The following TCIRG1 variants were observed in gnomAD, a reference collection of about 807,000 sequenced individuals.
TCIRG1 encodes T cell immune regulator 1, ATPase H+ transporting V0 subunit a3.
In TCIRG1, 86 loss-of-function variants were observed where a neutral mutation model predicts 95.5. That is an observed-to-expected ratio of 0.90 (90% CI 0.76 to 1.08). The LOEUF (loss-of-function observed/expected upper bound fraction) is 1.08. TCIRG1 is among the 50% of genes least tolerant of loss of function. The pLI is 0.00. For synonymous variants in TCIRG1, 499 were observed against 501.3 expected, an observed-to-expected ratio of 1.00 and a Z score of 0.06; for missense variants, 1,069 against 1,140.2, an observed-to-expected ratio of 0.94 and a Z score of 0.90.
chr11:68,048,701 T>A (rs1164090945), intron 13 of TCIRG1, 178 bp from the exon 14 acceptor site: 3 of 700,076 alleles, frequency 4.3e-6, no homozygotes, highest in Middle Eastern at 3.6e-4. Context: ...TCACCCAGGC[T>A]GGCACCGTGG....
At chr11:68,046,862 C>T (rs1855511397) in intron 10 of TCIRG1, 2 of 456,176 alleles carry the variant, frequency 4.4e-6, no homozygotes, top group Admixed American at 4.7e-5. Context: ...TGCTAACTTC[C>T]TGTGGCTCCA....
intron 1 of TCIRG1, 62 bp from the exon 2 acceptor site, chr11:68,041,206 C>T: frequency 9.2e-7 from 1 of 1,084,910 alleles, no homozygotes; most frequent in Non-Finnish European, 1.4e-6. Context: ...TGCACAGGTG[C>T]CCGTGGTTGG....
rs778516218 is a variant in TCIRG1, at chr11:68,047,544, G to A, written c.1277G>A (p.Arg426Gln). The A allele has an allele frequency of 1.6e-5, 26 of 1,613,772 alleles. No individual in the cohort carries two copies. The highest frequency in any genetic ancestry group is 5.0e-5 in the Admixed American group (3 of 60,004). Residue 426 changes from arginine to glutamine, a missense_variant, in exon 11 of 20, where the codon CGA becomes CAA. Physicochemically the swap from Arg to Gln is conservative, Grantham distance 43. Transcript: ENST00000265686. ...CTGGCCATGGTCCTTGCGGAGAACCGACCGGCTGTGAAGGCCGCGCAGAAC... is the reference window on the plus strand; with the variant it reads ...CTGGCCATGGTCCTTGCGGAGAACCAACCGGCTGTGAAGGCCGCGCAGAAC... ...FALAMVLAEN[R>Q]PAVKAAQNEI... is the part of the protein sequence containing the mutation.
rs76770200 is a variant in TCIRG1, at chr11:68,048,837, G to A, written c.1555-42G>A. 1,735 of 1,411,566 alleles carry A rather than the reference G, an allele frequency of 1.2e-3. 30 individuals are homozygous for A. In the African/African-American group the frequency reaches 0.022, roughly 18 times the overall value. 87.4% of individuals were successfully genotyped at this position (1,411,566 alleles called of 1,614,324 possible). A position where few individuals can be genotyped will look rare whatever the true frequency, so the allele number is the denominator to read the frequency against. On this transcript the variant is annotated intron_variant, in intron 13 of 19. Coordinates refer to ENST00000265686, the MANE Select transcript of TCIRG1 (RefSeq NM_006019.4). ...CCGGGGACTTCCTGGCAGTGATGGC[G>A]AGGGAGCCCCTGAGTCCAGCCCACC...
downstream of TCIRG1, among the ~76,000 whole-genome samples, chr11:68,051,759 G>T (rs959662564): frequency 1.3e-5 from 2 of 152,228 alleles, no homozygotes; most frequent in African/African-American, 2.4e-5. Context: ...AAGGCTAAAT[G>T]AAGGACTCCG....
intron 2 of TCIRG1, 56 bp from the exon 3 acceptor site, chr11:68,041,697 G>T: frequency 6.9e-7 from 1 of 1,442,946 alleles, no homozygotes; most frequent in Non-Finnish European, 9.6e-7. Context: ...GCTCTAGGGT[G>T]AGGAGCTCCC....
At chr11:68,052,302 A>T (rs1264378047), downstream of TCIRG1, 1 of 152,404 alleles carries the variant, frequency 6.6e-6, no homozygotes. Flanking sequence ...CTGAGCTGAC[A>T]GTGGGGCAAA....
At chr11:68,053,555 G>A (rs553457053), downstream of TCIRG1, 17 of 177,298 alleles carry the variant, frequency 9.6e-5, no homozygotes, top group South Asian at 7.9e-4. Context: ...AGTGAGCACC[G>A]TCTATAACAC....
In TCIRG1 at chr11:68,050,594, G is replaced by A. The variant is rs779910642; in HGVS notation, c.2344G>A (p.Val782Met). The A allele has an allele frequency of 4.4e-5, 71 of 1,613,342 alleles. No individual in the cohort carries two copies. The highest frequency in any genetic ancestry group is 1.1e-4 in the African/African-American group (8 of 74,922). ...VLVPIFAAFA[V>M]MTVAILLVME... Reference sequence around the variant, plus strand: ...GGTCCCCATCTTTGCCGCCTTTGCCGTGATGACCGTGGCTATCCTGCTGGT... The same window carrying A: ...GGTCCCCATCTTTGCCGCCTTTGCCATGATGACCGTGGCTATCCTGCTGGT... Residue 782 changes from valine (V) to methionine (M), a missense_variant, in exon 19 of 20, where the codon GTG becomes ATG. Transcript: ENST00000265686.
chr11:68,044,295 G>T lies in TCIRG1; in HGVS notation c.971G>T (p.Cys324Phe). Residue 324 changes from cysteine (C) to phenylalanine (F), a missense_variant, in exon 9 of 20, where the codon TGC becomes TTC. Coordinates refer to ENST00000265686, the MANE Select transcript of TCIRG1 (RefSeq NM_006019.4). ...AAGTGCCTCATTGCCGAGGCCTGGT[G>T]CTCTGTGCGAGACCTGCCCGCCCTG... ...THKCLIAEAW[C>F]SVRDLPALQE... 6.2e-7 allele frequency: 1 copy of T among 1,604,732 alleles called. No homozygotes were observed. The highest frequency in any genetic ancestry group is 2.2e-5 in the East Asian group (1 of 44,506).
rs574539296 is a variant in TCIRG1 at position 68,040,928 on chromosome 11, G to C, written c.-4-340G>C. Reference sequence around the variant, plus strand: ...CCAGTGGGGTCCTGTCTAGGGTGACGGCAGCCCGAGAGGAGGGAGGCCAGA... The same window carrying C: ...CCAGTGGGGTCCTGTCTAGGGTGACCGCAGCCCGAGAGGAGGGAGGCCAGA... On this transcript the variant is annotated intron_variant, in intron 1 of 19. Coordinates refer to ENST00000265686, the MANE Select transcript of TCIRG1 (RefSeq NM_006019.4). Among the ~76,000 whole-genome samples, 506 of 152,346 alleles carry C rather than the reference G, an allele frequency of 3.3e-3. 1 individual carries two copies. Among genetic ancestry groups the C allele is most frequent in the Non-Finnish European group, 5.7e-3 (390 of 68,024 alleles).
intron 9 of TCIRG1, 95 bp from the exon 10 acceptor site, chr11:68,044,863 C>G (rs780172917): frequency 1.3e-6 from 2 of 1,513,006 alleles, no homozygotes; most frequent in Admixed American, 3.4e-5. Context: ...TGAGCCCCCA[C>G]AGGGCTCTAC....
chr11:68,046,974 G>A, intron 10 of TCIRG1: 1 of 453,722 alleles, frequency 2.2e-6, no homozygotes, highest in Non-Finnish European at 4.4e-6. Context: ...AAGTGGCTGG[G>A]CCAAGGTCAC....
In TCIRG1 at chr11:68,044,315, G is replaced by A. The variant is rs773402451; in HGVS notation, c.991G>A (p.Ala331Thr). 1.1e-5 allele frequency: 18 copies of A among 1,598,278 alleles called. No homozygotes were observed. The highest frequency in any genetic ancestry group is 6.7e-5 in the African/African-American group (5 of 74,758). Residue 331 changes from alanine (A) to threonine (T), a missense_variant, in exon 9 of 20, where the codon GCC becomes ACC. Coordinates refer to ENST00000265686, the MANE Select transcript of TCIRG1 (RefSeq NM_006019.4). ...EAWCSVRDLPALQEALRDSSM... is the reference protein window; with the variant it reads ...EAWCSVRDLPTLQEALRDSSM... ...CTGGTGCTCTGTGCGAGACCTGCCC[G>A]CCCTGCAGGAGGCCCTGCGGGACAG... is the stretch of plus-strand genomic sequence containing the variant.
Position 68,049,017 on chromosome 11 carries a change from G to C in TCIRG1, c.1673+20G>C, listed in dbSNP as rs189260941. On this transcript the variant is annotated intron_variant, in intron 14 of 19. Coordinates refer to ENST00000265686, the MANE Select transcript of TCIRG1 (RefSeq NM_006019.4). Reference sequence around the variant, plus strand: ...CCACGTGTGAGGGCCAAGGCTGCCCGGGGGACGGGAGGCTGGCAGGCCAGA... The same window carrying C: ...CCACGTGTGAGGGCCAAGGCTGCCCCGGGGACGGGAGGCTGGCAGGCCAGA... 4.8e-5 allele frequency: 77 copies of C among 1,612,904 alleles called. 1 individual carries two copies. The Admixed American group carries it at 7.0e-4, about 15-fold the overall frequency.
chr11:68,040,601 A>C (rs1287009239), intron 1 of TCIRG1, among the ~76,000 whole-genome samples: 1 of 152,140 alleles, frequency 6.6e-6, no homozygotes, highest in Admixed American at 6.5e-5. Flanking sequence ...GGGCCCCAGC[A>C]TCCAGGGCGG....
In TCIRG1 at chr11:68,050,179, A is replaced by T; in HGVS notation, c.2161A>T (p.Ile721Phe). 1 of 1,613,638 alleles carries T rather than the reference A, an allele frequency of 6.2e-7. No homozygotes were observed. The highest frequency in any genetic ancestry group is 8.5e-7 in the Non-Finnish European group (1 of 1,179,908). ...GCTCATGCACCAGGCCATCCACACC[A>T]TCGAGTTCTGCCTGGGCTGCGTCTC... is the stretch of plus-strand genomic sequence containing the variant. ...EVLMHQAIHT[I>F]EFCLGCVSNT... is the part of the protein sequence containing the mutation. Residue 721 changes from isoleucine to phenylalanine, a missense_variant, in exon 18 of 20, where the codon ATC becomes TTC. Transcript: ENST00000265686.
chr11:68,043,027 G>A lies in TCIRG1; in HGVS notation c.499G>A (p.Val167Ile), dbSNP rs888303395. 1 of 1,550,646 alleles carries A rather than the reference G, an allele frequency of 6.4e-7. No individual in the cohort carries two copies. The highest frequency in any genetic ancestry group is 8.7e-7 in the Non-Finnish European group (1 of 1,147,210). ...APGGPHQDLR[V>I]NFVAGAVEPH... ...CGGGGGGCCGCACCAGGACCTGAGG[G>A]TCAAGTGAGTGAGGGATGACCTCAT... is the stretch of plus-strand genomic sequence containing the variant. Residue 167 changes from valine (V) to isoleucine (I), a missense_variant, in exon 5 of 20, where the codon GTC becomes ATC. Transcript: ENST00000265686.
At chr11:68,042,599 G>A in intron 3 of TCIRG1, 44 bp from the exon 4 acceptor site, 1 of 1,493,122 alleles carries the variant, frequency 6.7e-7, no homozygotes. Flanking sequence ...CTCAACTGTT[G>A]AGACAACCTC....
Sources: allele counts gnomAD v4.1 joint callset (sites outside exome capture counted in the v4.1 genomes callset), GRCh38; gene constraint gnomAD v4.1.1; transcripts MANE v1.5; gene names NCBI Gene and HGNC (gene_info 2026-07-23, HGNC 2026-07-21).